The following BCL2 variants were observed in gnomAD, a reference collection of about 807,000 sequenced individuals.
BCL2 encodes the protein apoptosis regulator Bcl-2.
BCL2 carries 1 observed loss-of-function variant against 14.2 expected under a neutral mutation model. The observed-to-expected ratio is 0.07, with a 90% CI of 0.02 to 0.33. The LOEUF (loss-of-function observed/expected upper bound fraction) is 0.33, where lower values mean the gene tolerates loss of function less well. Ranked by LOEUF, BCL2 falls within the 10% of genes least tolerant of loss-of-function variation. BCL2 has a pLI of 0.99. For missense variants in BCL2, 247 were observed against 305.9 expected, an observed-to-expected ratio of 0.81 and a Z score of 1.44; for synonymous variants, 151 against 137.2, an observed-to-expected ratio of 1.10 and a Z score of -0.70.
intron 2 of BCL2, among the ~76,000 whole-genome samples, chr18:63,145,479 C>G (rs773988317): frequency 2.6e-5 from 4 of 152,216 alleles, no homozygotes; most frequent in Admixed American, 6.5e-5. Context: ...GGAGGCACCC[C>G]TCGTGACTCC....
chr18:63,156,605 G>A (rs533830205), intron 2 of BCL2, among the ~76,000 whole-genome samples: 4 of 152,190 alleles, frequency 2.6e-5, no homozygotes, highest in Non-Finnish European at 5.9e-5. Flanking sequence ...CTGCAAGAAC[G>A]TCCCACCCTG....
chr18:63,196,780 AG>A (rs1462970522), intron 2 of BCL2, among the ~76,000 whole-genome samples: 2 of 152,208 alleles, frequency 1.3e-5, no homozygotes, highest in African/African-American at 4.8e-5. Context: ...TTTAAATAAA[AG>A]CTTTCCAGGA....
intron 2 of BCL2, among the ~76,000 whole-genome samples, chr18:63,143,133 T>G (rs1416316518): frequency 1.3e-5 from 2 of 152,260 alleles, no homozygotes; most frequent in Non-Finnish European, 2.9e-5. Context: ...TCTGACAGTA[T>G]GCTTTCTGTT....
rs1363802714 is a variant in BCL2, at chr18:63,126,620, G to C, written c.*2005C>G. 8.7e-6 allele frequency: 2 copies of C among 228,724 alleles called. No homozygotes were observed. Among genetic ancestry groups the C allele is most frequent in the East Asian group, 6.2e-5 (1 of 16,100 alleles). The allele number at this position is 228,724 out of a possible 1,614,324, so 14.2% of individuals were successfully genotyped here. On this transcript the variant is annotated 3_prime_UTR_variant, in exon 3 of 3. Coordinates refer to ENST00000333681, the MANE Select transcript of BCL2 (RefSeq NM_000633.3). ...ATGCACATGACTTGGTTGAAACAAA[G>C]CTCCTCAGTGGCCAGTGACATCCAG...
chr18:63,310,742 G>A (rs557714606), intron 2 of BCL2, among the ~76,000 whole-genome samples: 27 of 152,202 alleles, frequency 1.8e-4, no homozygotes, highest in African/African-American at 6.0e-4. Flanking sequence ...TCACTACCCC[G>A]GTTCCTGGGA....
chr18:63,261,298 C>T (rs1316254373), intron 2 of BCL2, among the ~76,000 whole-genome samples: 1 of 151,992 alleles, frequency 6.6e-6, no homozygotes, highest in African/African-American at 2.4e-5. Flanking sequence ...TGACATGAAA[C>T]ACTGCCCTTC....
At chr18:63,235,715 A>G (rs1427877776) in intron 2 of BCL2, among the ~76,000 whole-genome samples, 1 of 152,000 alleles carries the variant, frequency 6.6e-6, no homozygotes, top group Non-Finnish European at 1.5e-5. Flanking sequence ...GAACAAGGAC[A>G]TGACAAAATA....
intron 2 of BCL2, among the ~76,000 whole-genome samples, chr18:63,217,514 C>T (rs978603065): frequency 3.9e-5 from 6 of 152,146 alleles, no homozygotes; most frequent in Non-Finnish European, 5.9e-5. Context: ...AGGTAAGCAA[C>T]GTTCTCCTTC....
chr18:63,316,512 C>A (rs1421554597), intron 2 of BCL2: 1 of 152,172 alleles, frequency 6.6e-6, no homozygotes. Flanking sequence ...TTAGCAAATT[C>A]TTCCAGAATT....
intron 2 of BCL2, among the ~76,000 whole-genome samples, chr18:63,198,349 GAC>G (rs1322973509): frequency 3.2e-5 from 4 of 124,322 alleles, no homozygotes; most frequent in Non-Finnish European, 6.9e-5. Context: ...CAGACACAGA[GAC>G]ACACACAGAC....
At chr18:63,217,087 A>G (rs1910227354) in intron 2 of BCL2, among the ~76,000 whole-genome samples, 1 of 152,212 alleles carries the variant, frequency 6.6e-6, no homozygotes, top group African/African-American at 2.4e-5. Context: ...TCTCTCTCTC[A>G]GATGCTCCAA....
intron 2 of BCL2, among the ~76,000 whole-genome samples, chr18:63,169,397 CTTTCTT>C: frequency 1.7e-5 from 2 of 114,552 alleles, no homozygotes; most frequent in East Asian, 3.2e-4. Context: ...CTTTTTCTTT[CTTTCTT>C]TTTCTTTCTC....
At chr18:63,272,606 G>T (rs561669518) in intron 2 of BCL2, among the ~76,000 whole-genome samples, 69 of 152,268 alleles carry the variant, frequency 4.5e-4, no homozygotes, top group African/African-American at 1.5e-3. Flanking sequence ...GTTATCTTTA[G>T]CTATATCAAC....
At chr18:63,294,125 C>T (rs749764162) in intron 2 of BCL2, among the ~76,000 whole-genome samples, 3 of 152,040 alleles carry the variant, frequency 2.0e-5, no homozygotes, top group Admixed American at 6.6e-5. Flanking sequence ...GGTATGTAGA[C>T]CAAACCTTCT....
At chr18:63,234,085 A>T (rs114175773) in intron 2 of BCL2, among the ~76,000 whole-genome samples, 2,064 of 152,138 alleles carry the variant, frequency 0.014, 55 homozygotes, top group African/African-American at 0.047. Context: ...TTTAAAATTT[A>T]ATTTTATTTT....
At chr18:63,291,651 C>T (rs1912648670) in intron 2 of BCL2, among the ~76,000 whole-genome samples, 1 of 151,830 alleles carries the variant, frequency 6.6e-6, no homozygotes, top group Admixed American at 6.6e-5. Context: ...AGCAAATAGC[C>T]TTGAGTTACT....
chr18:63,133,319 ATT>A (rs34022610), intron 2 of BCL2, among the ~76,000 whole-genome samples: 11 of 103,370 alleles, frequency 1.1e-4, no homozygotes, highest in African/African-American at 2.9e-4. Context: ...ACCTTCAAGA[ATT>A]TTTTTTTTTT....
intron 2 of BCL2, 66 bp from the exon 3 acceptor site, chr18:63,128,825 C>T (rs899704720): frequency 3.6e-5 from 25 of 695,522 alleles, no homozygotes; most frequent in Admixed American, 3.4e-4. Context: ...GAATGCCACC[C>T]CACAGAGAAA....
intron 2 of BCL2, among the ~76,000 whole-genome samples, chr18:63,216,260 A>G (rs1910199663): frequency 6.6e-6 from 1 of 152,160 alleles, no homozygotes; most frequent in Admixed American, 6.5e-5. Context: ...GGAAGTGGAT[A>G]ATCATCAAAG....
Sources: allele counts gnomAD v4.1 joint callset (sites outside exome capture counted in the v4.1 genomes callset), GRCh38; gene constraint gnomAD v4.1.1; transcripts MANE v1.5; gene names NCBI Gene and HGNC (gene_info 2026-07-23, HGNC 2026-07-21).